CADPS: variants seen among roughly 807,000 people sequenced by gnomAD.
The protein encoded by CADPS is calcium-dependent secretion activator 1.
In CADPS, 57 loss-of-function variants were observed where a neutral mutation model predicts 167.3. The observed-to-expected ratio is 0.34, with a 90% CI of 0.28 to 0.42. The LOEUF is 0.42. CADPS is among the 20% of genes least tolerant of loss of function. The probability of loss-of-function intolerance (pLI) is 1.00; values close to 1 mark genes in which losing one functional copy is unlikely to be tolerated. For synonymous variants in CADPS, 676 were observed against 635.3 expected (o/e 1.06, Z -0.96); for missense variants, 1,414 against 1,738.1 (o/e 0.81, Z 3.32).
chr3:62,721,007 C>T (rs1226245017), intron 3 of CADPS, among the ~76,000 whole-genome samples: 6 of 150,946 alleles, frequency 4.0e-5, no homozygotes, highest in South Asian at 4.2e-4. Context: ...TTAGTAGAGA[C>T]GGGGTTTCAC....
At chr3:62,689,010 A>T (rs1449353465) in intron 3 of CADPS, among the ~76,000 whole-genome samples, 1 of 152,056 alleles carries the variant, frequency 6.6e-6, no homozygotes, top group Non-Finnish European at 1.5e-5. Context: ...TAGGAATAAC[A>T]GTGTGATAAA....
intron 28 of CADPS, among the ~76,000 whole-genome samples, chr3:62,409,859 T>C (rs898809059): frequency 6.6e-6 from 1 of 152,176 alleles, no homozygotes; most frequent in African/African-American, 2.4e-5. Flanking sequence ...AAAAACTGTC[T>C]CATGTGAAAT....
In CADPS at chr3:62,776,020, A is replaced by G. The variant is rs568513579; in HGVS notation, c.442-10036T>C. Among the ~76,000 whole-genome samples, 42 of 152,354 alleles carry G rather than the reference A, an allele frequency of 2.8e-4. No individual in the cohort carries two copies. In the South Asian group the frequency reaches 7.5e-3, roughly 27 times the overall value. Reference sequence around the variant, plus strand: ...TCTTCCTCATCATTGCTTTTGCATCATTATTGATAATGTTAACATAGTGAG... The same window carrying G: ...TCTTCCTCATCATTGCTTTTGCATCGTTATTGATAATGTTAACATAGTGAG... On this transcript the variant is annotated intron_variant, in intron 1 of 29. Coordinates refer to ENST00000383710, the MANE Select transcript of CADPS (RefSeq NM_003716.4).
At chr3:62,674,760 G>T (rs1004853929) in intron 3 of CADPS, among the ~76,000 whole-genome samples, 9 of 152,078 alleles carry the variant, frequency 5.9e-5, no homozygotes, top group Non-Finnish European at 7.4e-5. Context: ...GGTATCAGGG[G>T]TATCATCTAC....
intron 29 of CADPS, among the ~76,000 whole-genome samples, chr3:62,400,239 G>A (rs1705415214): frequency 6.6e-6 from 1 of 152,156 alleles, no homozygotes; most frequent in Non-Finnish European, 1.5e-5. Flanking sequence ...TGGTCTCAGG[G>A]AAGAAATTTG....
chr3:62,410,563 C>A (rs1299368975), intron 28 of CADPS, among the ~76,000 whole-genome samples: 1 of 152,184 alleles, frequency 6.6e-6, no homozygotes, highest in Non-Finnish European at 1.5e-5. Context: ...TGACTCAGAC[C>A]ACTTGTGTTT....
chr3:62,805,862 G>C (rs769665467), intron 1 of CADPS, among the ~76,000 whole-genome samples: 6 of 152,110 alleles, frequency 3.9e-5, no homozygotes, highest in Non-Finnish European at 8.8e-5. Flanking sequence ...CTCCCAGAGA[G>C]CATTTTGGCA....
intron 13 of CADPS, among the ~76,000 whole-genome samples, chr3:62,527,335 T>C (rs563076208): frequency 6.6e-6 from 1 of 152,254 alleles, no homozygotes; most frequent in Middle Eastern, 3.4e-3. Flanking sequence ...CTGTGTATTA[T>C]AGGATGTTTA....
chr3:62,558,820 T>C (rs2078653010), intron 9 of CADPS, among the ~76,000 whole-genome samples: 1 of 152,238 alleles, frequency 6.6e-6, no homozygotes, highest in Admixed American at 6.5e-5. Flanking sequence ...TTGCAGAACT[T>C]CTTCCTTATA....
intron 21 of CADPS, among the ~76,000 whole-genome samples, chr3:62,484,257 G>A (rs1375270779): frequency 6.6e-6 from 1 of 151,856 alleles, no homozygotes; most frequent in East Asian, 1.9e-4. Context: ...TATTACTAGT[G>A]TTACTAATAT....
intron 11 of CADPS, among the ~76,000 whole-genome samples, chr3:62,536,971 T>C (rs778924345): frequency 1.2e-4 from 19 of 152,114 alleles, no homozygotes; most frequent in Non-Finnish European, 2.8e-4. Flanking sequence ...GCCATTCCAG[T>C]GGTTATGTCT....
intron 6 of CADPS, among the ~76,000 whole-genome samples, chr3:62,611,271 C>T (rs554230203): frequency 2.5e-4 from 38 of 152,248 alleles, no homozygotes; most frequent in East Asian, 1.4e-3. Flanking sequence ...TCCAGGACTC[C>T]GTTTTGTTGC....
intron 16 of CADPS, among the ~76,000 whole-genome samples, chr3:62,515,577 T>A (rs570954062): frequency 6.6e-6 from 1 of 152,084 alleles, no homozygotes; most frequent in African/African-American, 2.4e-5. Flanking sequence ...CCATCGAGCT[T>A]GAAGCACTAC....
intron 4 of CADPS, among the ~76,000 whole-genome samples, chr3:62,656,189 C>T (rs1486310903): frequency 6.6e-6 from 1 of 152,130 alleles, no homozygotes; most frequent in Non-Finnish European, 1.5e-5. Flanking sequence ...CACACATACA[C>T]CCCTTGCAAG....
chr3:62,526,804 C>T (rs1192291577), intron 13 of CADPS, among the ~76,000 whole-genome samples: 3 of 152,058 alleles, frequency 2.0e-5, no homozygotes, highest in Non-Finnish European at 4.4e-5. Flanking sequence ...TTGAACTTTG[C>T]TATATATTTA....
intron 1 of CADPS, among the ~76,000 whole-genome samples, chr3:62,813,182 T>C (rs2094463641): frequency 6.6e-6 from 1 of 151,708 alleles, no homozygotes; most frequent in Non-Finnish European, 1.5e-5. Flanking sequence ...AAAGAGTAAA[T>C]TTGGATGAAT....
At chr3:62,459,410 A>G (rs1375567978) in intron 26 of CADPS, among the ~76,000 whole-genome samples, 1 of 152,110 alleles carries the variant, frequency 6.6e-6, no homozygotes. Context: ...TCCTGCACTG[A>G]TTGCTCTTTA....
At chr3:62,746,846 C>A (rs1181439152) in intron 3 of CADPS, among the ~76,000 whole-genome samples, 3 of 152,118 alleles carry the variant, frequency 2.0e-5, no homozygotes, top group African/African-American at 7.2e-5. Context: ...CTTTGTGAGA[C>A]CCTTAACAGA....
chr3:62,750,472 C>T (rs980637175), intron 3 of CADPS, among the ~76,000 whole-genome samples: 1 of 151,646 alleles, frequency 6.6e-6, no homozygotes, highest in African/African-American at 2.4e-5. Context: ...TATGTTAACG[C>T]CTGAAGTCTA....
Sources: gnomAD v4.1 joint callset for allele counts (sites outside exome capture counted in the v4.1 genomes callset) on GRCh38, gnomAD v4.1.1 for gene constraint, MANE v1.5 for transcripts, NCBI Gene and HGNC (gene_info 2026-07-23, HGNC 2026-07-21) for gene names.